The following HMMR variants were observed in gnomAD, a reference collection of about 807,000 sequenced individuals.
HMMR encodes hyaluronan mediated motility receptor.
HMMR carries 108 observed loss-of-function variants against 101.0 expected under a neutral mutation model. The ratio of observed to expected loss-of-function variants is 1.07; its 90% CI spans 0.92 to 1.25. The LOEUF (loss-of-function observed/expected upper bound fraction) is 1.25, where lower values mean the gene tolerates loss of function less well. HMMR is among the 50% of genes most tolerant of loss of function. The pLI is 0.00. For missense variants in HMMR, 813 were observed against 788.7 expected (o/e 1.03, Z -0.37); for synonymous variants, 296 against 276.4 (o/e 1.07, Z -0.70).
chr5:163,471,045 C>A, intron 5 of HMMR, 140 bp from the exon 6 acceptor site: 1 of 624,490 alleles, frequency 1.6e-6, no homozygotes, highest in Non-Finnish European at 2.8e-6. Context: ...TGGTGTAGGT[C>A]AAAGACTGTT....
chr5:163,489,407 C>T (rs11748030), intron 16 of HMMR: 23,768 of 152,304 alleles, frequency 0.16, 2,121 homozygotes, highest in Middle Eastern at 0.22. Flanking sequence ...TGAGGAGCTC[C>T]CTGTTTTATG....
rs1188971874 is a variant in HMMR, at chr5:163,474,160, T to C, written c.1008T>C (p.Leu336=). 1.1e-5 allele frequency: 18 copies of C among 1,609,990 alleles called. No homozygotes were observed. Among genetic ancestry groups the C allele is most frequent in the Non-Finnish European group, 1.5e-5 (18 of 1,178,200 alleles). The change falls in exon 10 of 18, where the codon CTT becomes CTC. Residue 336 remains leucine, a synonymous_variant. Transcript: ENST00000393915. The stretch of plus-strand genomic sequence containing the variant: ...TTGAACAACAGGAACGTGAAAAGCT[T>C]CAACAAAAAGAATTACAAATTGATT... ...FILEQQEREK[L]QQKELQIDSL...
rs374928782 is a variant in HMMR at position 163,469,811 on chromosome 5, T to A, written c.444T>A (p.Asn148Lys). The A allele has an allele frequency of 3.1e-6, 5 of 1,597,262 alleles. No individual in the cohort carries two copies. Among genetic ancestry groups the A allele is most frequent in the Non-Finnish European group, 4.3e-6 (5 of 1,168,562 alleles). ...EKQLIELTRT[N>K]ELLKSKFSEN... ...AACTTATTGAATTGACCAGGACTAA[T>A]GAACTACTAAAATCTAAGGTATCTG... Residue 148 changes from asparagine to lysine, a missense_variant, in exon 5 of 18, where the codon AAT (asparagine) becomes AAA (lysine). Coordinates refer to ENST00000393915, the MANE Select transcript of HMMR (RefSeq NM_001142556.2).
chr5:163,482,695 C>T lies in HMMR; in HGVS notation c.1439C>T (p.Ser480Leu). The change falls in exon 13 of 18, where the codon TCA (serine) becomes TTA (leucine). Residue 480 changes from serine (S) to leucine (L), a missense_variant. Transcript: ENST00000393915. The part of the protein sequence containing the change: ...EIEDLKLENS[S>L]LQEKAAKAGK... ...GAAGATCTTAAGCTGGAGAACTCAT[C>T]ATTACAGGAAAAAGCGGCCAAGGCT... 1 of 1,612,672 alleles carries T rather than the reference C, an allele frequency of 6.2e-7. No homozygotes were observed. Among genetic ancestry groups the T allele is most frequent in the Non-Finnish European group, 8.5e-7 (1 of 1,178,756 alleles).
chr5:163,475,584 G>T lies in HMMR; in HGVS notation c.1180G>T (p.Glu394Ter). The change falls in exon 11 of 18, where the codon GAA becomes TAA. Residue 394 changes from glutamate (E) to a stop codon, truncating the protein, a stop_gained. Coordinates refer to ENST00000393915, the MANE Select transcript of HMMR (RefSeq NM_001142556.2). LOFTEE classifies it high-confidence loss of function. ...GCTTGATAAATTACAGCAAAAGGAG[G>T]AACAAGCTGAAAGGCTGGTCAAGCA... Reference protein sequence around the residue: ...DELDKLQQKEEQAERLVKQLE... With the variant: ...DELDKLQQKE 6.2e-7 allele frequency: 1 copy of T among 1,612,718 alleles called. No homozygotes were observed. Among genetic ancestry groups the T allele is most frequent in the East Asian group, 2.2e-5 (1 of 44,758 alleles).
At position 163,474,084 on chromosome 5, in the gene HMMR, A is replaced by G; in HGVS notation, c.932A>G (p.His311Arg). The G allele has an allele frequency of 6.2e-7, 1 of 1,611,496 alleles. No homozygotes were observed. ...GACCATGTCAACAGGAATAGAGAAC[A>G]CAACGAAAATCTAAATGCAGAGATG... ...KEDHVNRNRE[H>R]NENLNAEMQN... The change falls in exon 10 of 18, where the codon CAC becomes CGC. Residue 311 changes from histidine (H) to arginine (R), a missense_variant. His to Arg is a conservative substitution (Grantham distance 29). Transcript: ENST00000393915.
chr5:163,477,223 G>A (rs1759096377), intron 11 of HMMR, among the ~76,000 whole-genome samples: 1 of 152,018 alleles, frequency 6.6e-6, no homozygotes, highest in African/African-American at 2.4e-5. Flanking sequence ...TCATAGTTCA[G>A]GAACACAGGT....
intron 16 of HMMR, among the ~76,000 whole-genome samples, chr5:163,484,934 G>A (rs985698343): frequency 6.6e-6 from 1 of 152,136 alleles, no homozygotes; most frequent in African/African-American, 2.4e-5. Context: ...CACCTGTGTT[G>A]TAGCATGGAG....
At chr5:163,471,597 T>C in intron 7 of HMMR, 134 bp downstream of exon 7, 1 of 608,130 alleles carries the variant, frequency 1.6e-6, no homozygotes, top group Non-Finnish European at 2.9e-6. Context: ...AGTTGCCCTA[T>C]TTCTCTTTTT....
rs377482614 is a variant in HMMR at position 163,484,050 on chromosome 5, T to C, written c.1786-19T>C. 4 of 1,499,858 alleles carry C rather than the reference T, an allele frequency of 2.7e-6. No individual in the cohort carries two copies. The South Asian group carries it at 3.6e-5, about 14-fold the overall frequency. 92.9% of individuals were successfully genotyped at this position (1,499,858 alleles called of 1,614,324 possible). ...CAAACTGTTTTAAGTCTTAACTTTATTTAAAAAATCTTTTTCAGCTACAAC... is the reference window on the plus strand; with the variant it reads ...CAAACTGTTTTAAGTCTTAACTTTACTTAAAAAATCTTTTTCAGCTACAAC... On this transcript the variant is annotated intron_variant, in intron 15 of 17. Coordinates refer to ENST00000393915, the MANE Select transcript of HMMR (RefSeq NM_001142556.2).
Position 163,483,274 on chromosome 5 carries a change from T to G in HMMR, c.1692T>G (p.Ala564=), listed in dbSNP as rs759052090. ...KQLEDEEGRK[A]EKENTTAELT... ...ATTTAATTCTTCCATGCAGAAAAGC[T>G]GAAAAAGAAAATACAACAGCAGAAT... is the stretch of plus-strand genomic sequence containing the variant. The change falls in exon 15 of 18, where the codon GCT becomes GCG. Residue 564 remains alanine, a synonymous_variant. Coordinates refer to ENST00000393915, the MANE Select transcript of HMMR (RefSeq NM_001142556.2). The G allele has an allele frequency of 1.2e-6, 2 of 1,608,008 alleles. No homozygotes were observed. Among genetic ancestry groups the G allele is most frequent in the Non-Finnish European group, 1.7e-6 (2 of 1,175,624 alleles).
chr5:163,483,281 G>T lies in HMMR; in HGVS notation c.1699G>T (p.Glu567Ter), dbSNP rs193028482. ...TCTTCCATGCAGAAAAGCTGAAAAA[G>T]AAAATACAACAGCAGAATTAACTGA... Reference protein sequence around the residue: ...EDEEGRKAEKENTTAELTEEI... With the variant: ...EDEEGRKAEK Residue 567 changes from glutamate (E) to a stop codon, truncating the protein, a stop_gained, in exon 15 of 18, where the codon GAA becomes TAA. Coordinates refer to ENST00000393915, the MANE Select transcript of HMMR (RefSeq NM_001142556.2). LOFTEE classifies it high-confidence loss of function. 3 of 1,608,790 alleles carry T rather than the reference G, an allele frequency of 1.9e-6. No individual in the cohort carries two copies. The highest frequency in any genetic ancestry group is 4.5e-5 in the East Asian group (2 of 44,760).
At chr5:163,465,369 T>A (rs1396954316) in intron 3 of HMMR, among the ~76,000 whole-genome samples, 3 of 152,180 alleles carry the variant, frequency 2.0e-5, no homozygotes, top group Non-Finnish European at 4.4e-5. Context: ...AGTATCACTC[T>A]GTCACCCAGG....
intron 7 of HMMR, 31 bp downstream of exon 7, chr5:163,471,494 A>C: frequency 2.8e-6 from 4 of 1,403,928 alleles, no homozygotes; most frequent in Non-Finnish European, 4.0e-6. Flanking sequence ...AGAAATTGTT[A>C]AGTGGAAGCA....
At chr5:163,483,708 A>G (rs1361766254) in intron 15 of HMMR, among the ~76,000 whole-genome samples, 1 of 152,130 alleles carries the variant, frequency 6.6e-6, no homozygotes, top group Non-Finnish European at 1.5e-5. Context: ...TTGTGGTATG[A>G]CTTATTGCAA....
intron 1 of HMMR, among the ~76,000 whole-genome samples, chr5:163,461,700 G>C (rs1198355059): frequency 6.6e-6 from 1 of 151,864 alleles, no homozygotes; most frequent in Non-Finnish European, 1.5e-5. Flanking sequence ...GGAGAATGGC[G>C]TGAACCCGGG....
chr5:163,479,744 C>T (rs1481680029), intron 12 of HMMR, among the ~76,000 whole-genome samples: 2 of 152,130 alleles, frequency 1.3e-5, no homozygotes. Flanking sequence ...CTGTCTCACA[C>T]CACCAGTCAT....
intron 12 of HMMR, among the ~76,000 whole-genome samples, chr5:163,480,531 A>G (rs1340691794): frequency 6.6e-6 from 1 of 152,210 alleles, no homozygotes; most frequent in Non-Finnish European, 1.5e-5. Context: ...GACTATAAGA[A>G]TACATGTATG....
intron 12 of HMMR, among the ~76,000 whole-genome samples, chr5:163,482,006 C>T (rs1188261460): frequency 1.3e-5 from 2 of 152,190 alleles, no homozygotes. Flanking sequence ...ACCTCCCCCT[C>T]CCAGGTTCAA....
Sources: allele counts gnomAD v4.1 joint callset (sites outside exome capture counted in the v4.1 genomes callset), GRCh38; gene constraint gnomAD v4.1.1; transcripts MANE v1.5; gene names NCBI Gene and HGNC (gene_info 2026-07-23, HGNC 2026-07-21).